The following CEP135 variants were observed in gnomAD, a reference collection of about 807,000 sequenced individuals.
CEP135 encodes the protein centrosomal protein 135.
Under a neutral mutation model 157.3 loss-of-function variants are expected in CEP135, and 142 were observed. The observed-to-expected ratio is 0.90, with a 90% CI of 0.79 to 1.04. CEP135 has a LOEUF of 1.04. Among genes scored for constraint, CEP135 ranks in the 50% least tolerant of loss-of-function variants. The pLI is 0.00. For synonymous variants in CEP135, 396 were observed against 439.8 expected, an observed-to-expected ratio of 0.90 and a Z score of 1.25; for missense variants, 1,317 against 1,309.2, an observed-to-expected ratio of 1.01 and a Z score of -0.09.
intron 11 of CEP135, among the ~76,000 whole-genome samples, chr4:55,978,393 TAGA>T (rs1010628653): frequency 3.3e-5 from 5 of 152,226 alleles, no homozygotes; most frequent in Non-Finnish European, 7.3e-5. Context: ...TAAGAGTATA[TAGA>T]AGGAGATCTA....
chr4:55,960,021 G>A (rs1185854202), intron 6 of CEP135: 9 of 562,840 alleles, frequency 1.6e-5, no homozygotes, highest in Non-Finnish European at 2.8e-5. Context: ...GGGAGGCTGA[G>A]GTGGGAGGAT....
intron 4 of CEP135, 114 bp from the exon 5 acceptor site, chr4:55,957,109 A>G (rs1163931094): frequency 4.8e-6 from 5 of 1,039,818 alleles, no homozygotes; most frequent in East Asian, 2.4e-5. Context: ...TATTTTGTCA[A>G]TATGTATTAT....
At chr4:56,001,034 T>C (rs1003029293) in intron 17 of CEP135, among the ~76,000 whole-genome samples, 4 of 152,214 alleles carry the variant, frequency 2.6e-5, no homozygotes, top group Admixed American at 2.6e-4. Context: ...ACATGCTTTT[T>C]GGCCATCTGT....
intron 24 of CEP135, among the ~76,000 whole-genome samples, chr4:56,023,227 A>G (rs995851515): frequency 6.6e-6 from 1 of 152,046 alleles, no homozygotes; most frequent in Admixed American, 6.6e-5. Context: ...GTCACAAAAA[A>G]AAAAAGAGAG....
chr4:56,011,880 A>G lies in CEP135; in HGVS notation c.2697A>G (p.Gln899=). ...RAEDWEVKAH[Q]AEGESSSVRL... is the part of the protein sequence containing the mutation. ...AAGACTGGGAGGTCAAAGCCCATCA[A>G]GCTGAGGGAGAAAGCAGCTCAGTTC... Residue 899 remains glutamine, a synonymous_variant, in exon 21 of 26, where the codon CAA becomes CAG. Coordinates refer to ENST00000257287, the MANE Select transcript of CEP135 (RefSeq NM_025009.5). The G allele has an allele frequency of 6.2e-7, 1 of 1,608,112 alleles. No homozygotes were observed.
intron 21 of CEP135, 56 bp downstream of exon 21, chr4:56,012,041 A>G: frequency 2.0e-6 from 2 of 1,022,004 alleles, no homozygotes; most frequent in Non-Finnish European, 2.7e-6. Context: ...AAAACATTCA[A>G]AGATACTTTA....
chr4:56,020,562 T>C (rs1325011671), intron 23 of CEP135, 114 bp from the exon 24 acceptor site: 1 of 766,710 alleles, frequency 1.3e-6, no homozygotes, highest in Non-Finnish European at 2.2e-6. Flanking sequence ...TCTAGAAGTT[T>C]AGAGAATTCT....
At chr4:56,015,502 G>C (rs1312409967) in intron 21 of CEP135, among the ~76,000 whole-genome samples, 2 of 152,244 alleles carry the variant, frequency 1.3e-5, no homozygotes, top group Non-Finnish European at 2.9e-5. Context: ...CACAGGGTGG[G>C]GCCCCCCTGG....
intron 11 of CEP135, among the ~76,000 whole-genome samples, chr4:55,979,439 A>G (rs1188839969): frequency 6.6e-6 from 1 of 152,230 alleles, no homozygotes. Flanking sequence ...TTCTTAATAT[A>G]TACTGCCTGG....
intron 6 of CEP135, among the ~76,000 whole-genome samples, chr4:55,963,582 C>G (rs559292225): frequency 3.9e-5 from 6 of 152,234 alleles, no homozygotes; most frequent in Non-Finnish European, 8.8e-5. Flanking sequence ...CCCATCTCTA[C>G]TAAAAATACA....
intron 8 of CEP135, among the ~76,000 whole-genome samples, chr4:55,968,555 C>T (rs1285887304): frequency 2.0e-5 from 3 of 152,112 alleles, no homozygotes; most frequent in Non-Finnish European, 4.4e-5. Flanking sequence ...TTTCCACCAC[C>T]TTTTGCATCT....
chr4:55,981,091 T>A, intron 12 of CEP135, 136 bp from the exon 13 acceptor site: 2 of 733,780 alleles, frequency 2.7e-6, no homozygotes, highest in South Asian at 4.9e-5. Flanking sequence ...TTTTAATCTT[T>A]TGTTGGGATT....
intron 10 of CEP135, 43 bp from the exon 11 acceptor site, chr4:55,974,703 T>G: frequency 9.3e-6 from 13 of 1,403,192 alleles, no homozygotes; most frequent in Non-Finnish European, 1.3e-5. Flanking sequence ...ATCAACATTA[T>G]GTATACAACA....
intron 4 of CEP135, among the ~76,000 whole-genome samples, chr4:55,955,750 A>G (rs1430641866): frequency 1.3e-5 from 2 of 152,146 alleles, no homozygotes; most frequent in East Asian, 1.9e-4. Context: ...GGGTGATACT[A>G]TTTCTTAAGT....
intron 25 of CEP135, among the ~76,000 whole-genome samples, chr4:56,028,691 C>A (rs936205554): frequency 2.0e-5 from 3 of 151,862 alleles, no homozygotes; most frequent in African/African-American, 7.3e-5. Context: ...GACAATCCAA[C>A]TTTTATTATT....
intron 6 of CEP135, among the ~76,000 whole-genome samples, chr4:55,961,316 AC>A (rs1728672918): frequency 6.6e-6 from 1 of 152,002 alleles, no homozygotes; most frequent in Non-Finnish European, 1.5e-5. Context: ...CAGCTTGACT[AC>A]TCTGATTAAA....
intron 9 of CEP135, among the ~76,000 whole-genome samples, 187 bp downstream of exon 9, chr4:55,969,315 T>C (rs1728943036): frequency 6.6e-6 from 1 of 151,450 alleles, no homozygotes; most frequent in Non-Finnish European, 1.5e-5. Context: ...TAATCCCTGC[T>C]ACTTGGGAGG....
chr4:56,012,174 C>A (rs899336441), intron 21 of CEP135, among the ~76,000 whole-genome samples, 189 bp downstream of exon 21: 3 of 152,146 alleles, frequency 2.0e-5, no homozygotes, highest in African/African-American at 7.2e-5. Context: ...TCTGTCTCAG[C>A]CTCCTGAGTA....
intron 14 of CEP135, 21 bp from the exon 15 acceptor site, chr4:55,991,913 G>T (rs1729811615): frequency 7.7e-7 from 1 of 1,301,496 alleles, no homozygotes; most frequent in Non-Finnish European, 1.1e-6. Flanking sequence ...TATACCTACT[G>T]TTTTTTTATT....
Sources: allele counts gnomAD v4.1 joint callset (sites outside exome capture counted in the v4.1 genomes callset), GRCh38; gene constraint gnomAD v4.1.1; transcripts MANE v1.5; gene names NCBI Gene and HGNC (gene_info 2026-07-23, HGNC 2026-07-21).